The following MICALL1 variants were observed in gnomAD, a reference collection of about 807,000 sequenced individuals.
MICALL1 encodes the protein MICAL like 1.
Under a neutral mutation model 83.7 loss-of-function variants are expected in MICALL1, and 61 were observed. The ratio of observed to expected loss-of-function variants is 0.73; its 90% CI spans 0.59 to 0.90. MICALL1 has a LOEUF of 0.90. Ranked by LOEUF, MICALL1 falls within the 40% of genes least tolerant of loss-of-function variation. MICALL1 has a pLI of 0.00. For synonymous variants in MICALL1, 481 were observed against 473.6 expected, an observed-to-expected ratio of 1.02 and a Z score of -0.20; for missense variants, 1,066 against 1,152.0, an observed-to-expected ratio of 0.93 and a Z score of 1.08.
At chr22:37,928,238 G>A (rs962903739) in intron 9 of MICALL1, among the ~76,000 whole-genome samples, 8 of 145,112 alleles carry the variant, frequency 5.5e-5, no homozygotes, top group East Asian at 2.1e-4. Context: ...ACGGAGTCTC[G>A]CTCTATCACC....
At chr22:37,934,335 T>A (rs1200307787) in intron 13 of MICALL1, among the ~76,000 whole-genome samples, 3 of 152,176 alleles carry the variant, frequency 2.0e-5, no homozygotes, top group Non-Finnish European at 2.9e-5. Context: ...GTGACACTGG[T>A]CAAAGATTTC....
rs1296296176 is a variant in MICALL1, at chr22:37,906,312, C to T, written c.-111C>T. ...CCCTCCCCTCGCCTGCCGGTCGGCG[C>T]CCGAGCTCGGAGCCGCAGCCGCAGC... is the stretch of plus-strand genomic sequence containing the variant. On this transcript the variant is annotated 5_prime_UTR_variant, in exon 1 of 16. Coordinates refer to ENST00000215957, the MANE Select transcript of MICALL1 (RefSeq NM_033386.4). The surrounding 1 kb of genome is among the most constrained non-coding windows in gnomAD (Gnocchi z 4.4). The T allele has an allele frequency of 2.4e-6, 2 of 829,778 alleles. 1 individual carries two copies. Among genetic ancestry groups the T allele is most frequent in the East Asian group, 2.4e-4 (2 of 8,298 alleles). 51.4% of individuals were successfully genotyped at this position (829,778 alleles called of 1,614,324 possible). A position where few individuals can be genotyped will look rare whatever the true frequency, so the allele number is the denominator to read the frequency against.
At chr22:37,910,946 C>T (rs1297293046) in intron 1 of MICALL1, among the ~76,000 whole-genome samples, 1 of 152,246 alleles carries the variant, frequency 6.6e-6, no homozygotes. Context: ...CCTGCTCTTG[C>T]CTCTGCCCAC....
chr22:37,921,976 C>G lies in MICALL1; in HGVS notation c.574C>G (p.Arg192Gly). ...CCCTGTCCTGTCCCCTGCCAGGTGT[C>G]GGCGGTGCTCCAGCACCCTGCTCCC... is the stretch of plus-strand genomic sequence containing the variant. ...RLYHRHCFRC[R>G]RCSSTLLPGA... The change falls in exon 6 of 16, where the codon CGG (arginine) becomes GGG (glycine). Residue 192 changes from arginine (R) to glycine (G), a missense_variant. Physicochemically the swap from Arg to Gly is moderately radical, Grantham distance 125. Transcript: ENST00000215957. 6.4e-7 allele frequency: 1 copy of G among 1,564,418 alleles called. No homozygotes were observed. Among genetic ancestry groups the G allele is most frequent in the Non-Finnish European group, 8.7e-7 (1 of 1,152,128 alleles).
chr22:37,939,859 CG>C (rs1339393624), intron 15 of MICALL1, among the ~76,000 whole-genome samples: 1 of 150,522 alleles, frequency 6.6e-6, no homozygotes, highest in Non-Finnish European at 1.5e-5. Flanking sequence ...GAGGCTGAGG[CG>C]GGCTCATCGC....
At chr22:37,926,964 T>TTTGG (rs1929483235) in intron 8 of MICALL1, 1 of 182,116 alleles carries the variant, frequency 5.5e-6, no homozygotes, top group African/African-American at 2.4e-5. Flanking sequence ...AGATAATGTG[T>TTTGG]TTGGAAGCAT....
rs374170029 is a variant in MICALL1 at position 37,926,019 on chromosome 22, C to T, written c.1441C>T (p.Arg481Cys). The change falls in exon 8 of 16, where the codon CGC (arginine) becomes TGC (cysteine). Residue 481 changes from arginine to cysteine, a missense_variant. Arg to Cys is a radical substitution (Grantham distance 180, BLOSUM62 -3). Transcript: ENST00000215957. ...SPKTKKRPAPRAPSASPLALH... is the reference protein window; with the variant it reads ...SPKTKKRPAPCAPSASPLALH... ...CAAGACAAAGAAGCGCCCTGCCCCG[C>T]GCGCACCCAGCGCGTCCCCACTGGG... 6.6e-5 allele frequency: 106 copies of T among 1,608,564 alleles called. 1 individual carries two copies. The highest frequency in any genetic ancestry group is 5.5e-4 in the South Asian group (50 of 90,858).
chr22:37,926,172 T>A, intron 8 of MICALL1, 129 bp downstream of exon 8: 1 of 1,211,700 alleles, frequency 8.3e-7, no homozygotes, highest in Non-Finnish European at 1.1e-6. Context: ...ACTTCTCATT[T>A]AATCCTAGAG....
chr22:37,934,785 AC>A (rs1181193564), intron 13 of MICALL1, among the ~76,000 whole-genome samples: 1 of 149,976 alleles, frequency 6.7e-6, no homozygotes, highest in Non-Finnish European at 1.5e-5. Flanking sequence ...TTTAGTAGAG[AC>A]CAGGTTTCAC....
rs779221656 is a variant in MICALL1 at position 37,924,700 on chromosome 22, A to C, written c.1065A>C (p.Thr355=). 42 of 1,612,066 alleles carry C rather than the reference A, an allele frequency of 2.6e-5. No individual in the cohort carries two copies. Among genetic ancestry groups the C allele is most frequent in the Middle Eastern group, 1.6e-4 (1 of 6,072 alleles). The change falls in exon 7 of 16, where the codon ACA becomes ACC. Residue 355 remains threonine, a synonymous_variant. Transcript: ENST00000215957. The surrounding 1 kb of genome is among the most constrained non-coding windows in gnomAD (Gnocchi z 5.2). ...TGCCTGTCCCCAAGCCGAGGGGGAC[A>C]CCGAAGCCGTCCGAGGGGTATGTCG... ...HELPVPKPRG[T]PKPSEGTPAP...
At chr22:37,913,687 G>A (rs1156907727) in intron 3 of MICALL1, among the ~76,000 whole-genome samples, 1 of 152,146 alleles carries the variant, frequency 6.6e-6, no homozygotes, top group African/African-American at 2.4e-5. Flanking sequence ...CTTCTGCAGA[G>A]ATGAGATAGG....
In MICALL1 at chr22:37,924,564, G is replaced by A. The variant is rs1381183607; in HGVS notation, c.1025-96G>A. On this transcript the variant is annotated intron_variant, in intron 6 of 15. Transcript: ENST00000215957. The surrounding 1 kb of genome is among the most constrained non-coding windows in gnomAD (Gnocchi z 5.2). Reference sequence around the variant, plus strand: ...GGTGCGAGGGTGCCAGGAGGAAGGCGGGGCGCTCCTGGGGAGGCAGGTGCT... The same window carrying A: ...GGTGCGAGGGTGCCAGGAGGAAGGCAGGGCGCTCCTGGGGAGGCAGGTGCT... The A allele has an allele frequency of 6.5e-6, 8 of 1,228,212 alleles. No homozygotes were observed. Among genetic ancestry groups the A allele is most frequent in the South Asian group, 2.7e-5 (2 of 73,736 alleles). 76.1% of individuals were successfully genotyped at this position (1,228,212 alleles called of 1,614,324 possible).
chr22:37,941,149 C>T lies in MICALL1; in HGVS notation c.*319C>T, dbSNP rs1039299490. On this transcript the variant is annotated 3_prime_UTR_variant, in exon 16 of 16. Transcript: ENST00000215957. ...GGGAGGGGCGCCTGCTGAGCACTTCCGCCCCTCACCCTGCCCAGCCCCTGC... is the reference window on the plus strand; with the variant it reads ...GGGAGGGGCGCCTGCTGAGCACTTCTGCCCCTCACCCTGCCCAGCCCCTGC... 1 of 245,468 alleles carries T rather than the reference C, an allele frequency of 4.1e-6. No homozygotes were observed. The highest frequency in any genetic ancestry group is 8.3e-6 in the Non-Finnish European group (1 of 119,836). The allele number at this position is 245,468 out of a possible 1,614,324, so 15.2% of individuals were successfully genotyped here. A position where few individuals can be genotyped will look rare whatever the true frequency, so the allele number is the denominator to read the frequency against.
At chr22:37,908,925 A>T (rs1928140471) in intron 1 of MICALL1, among the ~76,000 whole-genome samples, 1 of 152,180 alleles carries the variant, frequency 6.6e-6, no homozygotes, top group Non-Finnish European at 1.5e-5. Context: ...GCAAAGCTGG[A>T]GGCTGTGTAG....
chr22:37,927,603 G>A lies in MICALL1; in HGVS notation c.1658G>A (p.Ser553Asn), dbSNP rs1276706404. Reference sequence around the variant, plus strand: ...CCTGGTACCCCTGGAAACCCTGTCAGCCTCTCTACCAACTCCTCCCTGGCC... The same window carrying A: ...CCTGGTACCCCTGGAAACCCTGTCAACCTCTCTACCAACTCCTCCCTGGCC... ...HAPGTPGNPVSLSTNSSLASS... is the reference protein window; with the variant it reads ...HAPGTPGNPVNLSTNSSLASS... Residue 553 changes from serine to asparagine, a missense_variant, in exon 9 of 16, where the codon AGC becomes AAC. Ser to Asn is a conservative substitution (Grantham distance 46). Coordinates refer to ENST00000215957, the MANE Select transcript of MICALL1 (RefSeq NM_033386.4). The A allele has an allele frequency of 6.2e-7, 1 of 1,613,668 alleles. No individual in the cohort carries two copies. Among genetic ancestry groups the A allele is most frequent in the Non-Finnish European group, 8.5e-7 (1 of 1,179,592 alleles).
chr22:37,932,058 G>C lies in MICALL1; in HGVS notation c.2016+125G>C. The C allele has an allele frequency of 2.9e-6, 4 of 1,402,476 alleles. No homozygotes were observed. Among genetic ancestry groups the C allele is most frequent in the South Asian group, 2.8e-5 (2 of 71,578 alleles). 86.9% of individuals were successfully genotyped at this position (1,402,476 alleles called of 1,614,324 possible). On this transcript the variant is annotated intron_variant, in intron 10 of 15. Coordinates refer to ENST00000215957, the MANE Select transcript of MICALL1 (RefSeq NM_033386.4). The surrounding 1 kb of genome is among the most constrained non-coding windows in gnomAD (Gnocchi z 4.4). ...TAGGCAGTGGGCCTCAGATGCTCAA[G>C]AGAGCACTCTTGGCGGCCCAACTGG...
In MICALL1 at chr22:37,912,007, T is replaced by TC. The variant is rs1171760201; in HGVS notation, c.195+10dup. 9 of 1,613,848 alleles carry TC rather than the reference T, an allele frequency of 5.6e-6. No homozygotes were observed. Among genetic ancestry groups the TC allele is most frequent in the South Asian group, 1.1e-5 (1 of 91,066 alleles). ...CTTCGAGAATAACCGTTTGGTAAGT[T>TC]CCCGGACAGGTGGAAGCCCAAGAGG... On this transcript the variant is annotated splice_region_variant and intron_variant, in intron 2 of 15. Transcript: ENST00000215957.
intron 6 of MICALL1, among the ~76,000 whole-genome samples, chr22:37,923,644 G>T (rs1018368833): frequency 6.6e-6 from 1 of 152,190 alleles, no homozygotes; most frequent in Non-Finnish European, 1.5e-5. Flanking sequence ...CCCTTACACT[G>T]CCTCCCTCTG....
chr22:37,938,229 C>T (rs976463484), intron 15 of MICALL1, among the ~76,000 whole-genome samples: 1 of 151,786 alleles, frequency 6.6e-6, no homozygotes, highest in African/African-American at 2.4e-5. Flanking sequence ...GGTGAAACCC[C>T]GTCTCTACTA....
Sources: gnomAD v4.1 joint callset for allele counts (sites outside exome capture counted in the v4.1 genomes callset) on GRCh38, gnomAD v4.1.1 for gene constraint, Gnocchi (gnomAD v3.1) non-coding constraint, MANE v1.5 for transcripts, NCBI Gene and HGNC (gene_info 2026-07-23, HGNC 2026-07-21) for gene names.